KIF5A: variants seen among roughly 807,000 people sequenced by gnomAD.
The protein encoded by KIF5A is kinesin heavy chain isoform 5A.
Under a neutral mutation model 141.3 loss-of-function variants are expected in KIF5A, and 35 were observed. The ratio of observed to expected loss-of-function variants is 0.25; its 90% CI spans 0.19 to 0.33. The LOEUF (loss-of-function observed/expected upper bound fraction) is 0.33. Ranked by LOEUF, KIF5A falls within the 10% of genes least tolerant of loss-of-function variation. KIF5A has a pLI of 1.00. For missense variants in KIF5A, 861 were observed against 1,314.3 expected, an observed-to-expected ratio of 0.66 and a Z score of 5.33; for synonymous variants, 448 against 500.2, an observed-to-expected ratio of 0.90 and a Z score of 1.39.
chr12:57,583,321 A>G, intron 28 of KIF5A, 106 bp downstream of exon 28: 1 of 690,656 alleles, frequency 1.4e-6, no homozygotes, highest in Admixed American at 2.4e-5. Context: ...ATCACCTCAA[A>G]ACTTTAATTA....
rs747060784 is a variant in KIF5A at position 57,572,794 on chromosome 12, A to C, written c.1716+68A>C. ...GTGGAAGACGCAAGATGAGCCATCC[A>C]GGCCTTCACAGATACTGAGAAAGGC... On this transcript the variant is annotated intron_variant, in intron 15 of 28. Transcript: ENST00000455537. The surrounding 1 kb of genome is among the most constrained non-coding windows in gnomAD (Gnocchi z 4.2). 6.4e-7 allele frequency: 1 copy of C among 1,574,560 alleles called. No individual in the cohort carries two copies. Among genetic ancestry groups the C allele is most frequent in the African/African-American group, 1.3e-5 (1 of 74,206 alleles).
rs1201421601 is a variant in KIF5A at position 57,570,151 on chromosome 12, C to T, written c.1282C>T (p.Leu428Phe). 1 of 1,613,724 alleles carries T rather than the reference C, an allele frequency of 6.2e-7. No individual in the cohort carries two copies. The highest frequency in any genetic ancestry group is 8.5e-7 in the Non-Finnish European group (1 of 1,179,954). Residue 428 changes from leucine (L) to phenylalanine (F), a missense_variant, in exon 12 of 29, where the codon CTT becomes TTT. By Grantham distance (22) the Leu-to-Phe change is conservative. Transcript: ENST00000455537. ...GGAGATCCGCCGTCTCTATAAGCAG[C>T]TTGACGACAAGGTGAGGGCGGCCAG... The part of the protein sequence containing the change: ...EEEIRRLYKQ[L>F]DDKDDEINQQ...
chr12:57,577,844 A>G (rs1467281271), intron 21 of KIF5A, 71 bp downstream of exon 21: 2 of 1,376,762 alleles, frequency 1.5e-6, no homozygotes, highest in African/African-American at 1.4e-5. Flanking sequence ...TCCTAACCCT[A>G]TTCCTCCTGC....
Position 57,564,103 on chromosome 12 carries a change from G to A in KIF5A, c.292-5G>A, listed in dbSNP as rs201917057. ...GCTTCACTCTCAAATACCTTCACTC[G>A]CCAGGGAAAGCTGCACGACCCTCAG... On this transcript the variant is annotated splice_region_variant and splice_polypyrimidine_tract_variant and intron_variant, in intron 3 of 28. Coordinates refer to ENST00000455537, the MANE Select transcript of KIF5A (RefSeq NM_004984.4). 470 of 1,610,732 alleles carry A rather than the reference G, an allele frequency of 2.9e-4. 3 individuals are homozygous for A. In the South Asian group the frequency reaches 4.3e-3, roughly 15 times the overall value.
chr12:57,575,355 C>T (rs1267014536), intron 16 of KIF5A, 83 bp downstream of exon 16: 1 of 1,391,366 alleles, frequency 7.2e-7, no homozygotes, highest in Non-Finnish European at 1.0e-6. Context: ...TCCTAACACC[C>T]ACCTTTATGT....
intron 13 of KIF5A, among the ~76,000 whole-genome samples, chr12:57,571,637 T>G (rs1424411606): frequency 6.6e-6 from 1 of 151,774 alleles, no homozygotes; most frequent in Non-Finnish European, 1.5e-5. Context: ...TGGGGCAATC[T>G]CAGCTCACTG....
chr12:57,565,061 G>A, intron 6 of KIF5A, 88 bp downstream of exon 6: 1 of 1,184,578 alleles, frequency 8.4e-7, no homozygotes, highest in Middle Eastern at 2.0e-4. Flanking sequence ...CCTGAAGTTG[G>A]AGGGTGGATA....
chr12:57,556,717 T>C lies in KIF5A; in HGVS notation c.129+6317T>C, dbSNP rs1197604277. ...TTGTGGGGGGAGGGGAGGGGCAAGA[T>C]TGGCTTGAGAGTTACATTTAATCCC... On this transcript the variant is annotated intron_variant, in intron 1 of 28. Transcript: ENST00000455537. 8.1e-4 allele frequency among the ~76,000 whole-genome samples: 123 copies of C among 151,696 alleles called. 1 individual carries two copies. Among genetic ancestry groups the C allele is most frequent in the Non-Finnish European group, 7.4e-5 (5 of 67,862 alleles).
intron 5 of KIF5A, 93 bp from the exon 6 acceptor site, chr12:57,564,825 C>A: frequency 8.2e-7 from 1 of 1,218,008 alleles, no homozygotes; most frequent in Non-Finnish European, 1.2e-6. Context: ...TCCTTTAGCA[C>A]AGAGAAGAAA....
chr12:57,556,479 C>A (rs1881748767), intron 1 of KIF5A, among the ~76,000 whole-genome samples: 1 of 152,048 alleles, frequency 6.6e-6, no homozygotes, highest in African/African-American at 2.4e-5. Flanking sequence ...AGAATCTCTT[C>A]CTTCTTCCCT....
chr12:57,557,650 T>C (rs960328784), intron 1 of KIF5A, among the ~76,000 whole-genome samples: 1 of 152,026 alleles, frequency 6.6e-6, no homozygotes. Flanking sequence ...AAACAAAATA[T>C]TATTACTATT....
At chr12:57,567,309 G>C in intron 7 of KIF5A, 96 bp downstream of exon 7, 2 of 1,244,216 alleles carry the variant, frequency 1.6e-6, no homozygotes, top group South Asian at 2.4e-5. Flanking sequence ...CAAGGAAACT[G>C]TACCCCCCAG....
At chr12:57,573,241 C>G (rs1422497856) in intron 15 of KIF5A, among the ~76,000 whole-genome samples, 2 of 151,974 alleles carry the variant, frequency 1.3e-5, no homozygotes, top group Admixed American at 6.6e-5. Flanking sequence ...AATAAAGAAG[C>G]AATGGAGGCC....
At position 57,570,034 on chromosome 12, in the gene KIF5A, C is replaced by G. The variant is rs1425088200; in HGVS notation, c.1165C>G (p.Leu389Val). Reference protein sequence around the residue: ...TERLAGEEAALGAELCEETPV... With the variant: ...TERLAGEEAAVGAELCEETPV... ...GCGCCTGGCTGGGGAGGAGGCAGCC[C>G]TGGGAGCCGAGCTCTGTGAGGAGAC... Residue 389 changes from leucine (L) to valine (V), a missense_variant, in exon 12 of 29, where the codon CTG becomes GTG. By Grantham distance (32) the Leu-to-Val change is conservative. Coordinates refer to ENST00000455537, the MANE Select transcript of KIF5A (RefSeq NM_004984.4). 2 of 1,613,838 alleles carry G rather than the reference C, an allele frequency of 1.2e-6. No homozygotes were observed. The highest frequency in any genetic ancestry group is 2.2e-5 in the South Asian group (2 of 91,076).
chr12:57,576,059 G>A, intron 17 of KIF5A, 28 bp from the exon 18 acceptor site: 1 of 1,610,848 alleles, frequency 6.2e-7, no homozygotes, highest in Non-Finnish European at 8.5e-7. Flanking sequence ...TAGGTTTGAT[G>A]TCAGCTGTCT....
chr12:57,583,326 T>G (rs1882664395), intron 28 of KIF5A, 111 bp downstream of exon 28: 3 of 685,060 alleles, frequency 4.4e-6, no homozygotes, highest in South Asian at 1.7e-5. Context: ...CTCAAAACTT[T>G]AATTATGTAG....
intron 1 of KIF5A, among the ~76,000 whole-genome samples, chr12:57,559,067 A>G (rs1288911848): frequency 1.3e-5 from 2 of 152,340 alleles, no homozygotes; most frequent in East Asian, 3.9e-4. Context: ...TACATGAGCT[A>G]TCTCATTCAA....
chr12:57,574,552 G>A (rs1056078341), intron 15 of KIF5A, among the ~76,000 whole-genome samples: 5 of 144,970 alleles, frequency 3.4e-5, no homozygotes, highest in African/African-American at 1.3e-4. Flanking sequence ...GATTACAGGC[G>A]TGAGCCACCG....
chr12:57,564,786 A>G (rs1882012946), intron 5 of KIF5A, 132 bp from the exon 6 acceptor site: 3 of 883,024 alleles, frequency 3.4e-6, no homozygotes, highest in Non-Finnish European at 5.6e-6. Context: ...CAGCTCGTGC[A>G]GGGAGTTTAG....
Sources: allele counts gnomAD v4.1 joint callset (sites outside exome capture counted in the v4.1 genomes callset), GRCh38; gene constraint gnomAD v4.1.1; non-coding constraint Gnocchi (gnomAD v3.1); transcripts MANE v1.5; gene names NCBI Gene and HGNC (gene_info 2026-07-23, HGNC 2026-07-21).